JAZF1: variants seen among roughly 807,000 people sequenced by gnomAD.
JAZF1 encodes juxtaposed with another zinc finger protein 1.
In JAZF1, 8 loss-of-function variants were observed where a neutral mutation model predicts 26.4. That is an observed-to-expected ratio of 0.30 (90% CI 0.18 to 0.55). The LOEUF is 0.55. Among genes scored for constraint, JAZF1 ranks in the 20% least tolerant of loss-of-function variants. JAZF1 has a pLI of 0.94. For synonymous variants in JAZF1, 126 were observed against 122.3 expected, an observed-to-expected ratio of 1.03 and a Z score of -0.20; for missense variants, 199 against 322.0, an observed-to-expected ratio of 0.62 and a Z score of 2.92.
At chr7:28,002,026 G>C (rs992201198) in intron 1 of JAZF1, among the ~76,000 whole-genome samples, 5 of 152,134 alleles carry the variant, frequency 3.3e-5, no homozygotes, top group Non-Finnish European at 5.9e-5. Flanking sequence ...GGAACTCAAA[G>C]GGGAGATAAA....
chr7:28,054,830 G>A (rs548329144), intron 1 of JAZF1, among the ~76,000 whole-genome samples: 2 of 151,958 alleles, frequency 1.3e-5, no homozygotes, highest in Non-Finnish European at 1.5e-5. Context: ...GAGATGGACC[G>A]GAGAGCTGAA....
At chr7:27,896,876 T>C (rs1439440315) in intron 2 of JAZF1, among the ~76,000 whole-genome samples, 3 of 152,246 alleles carry the variant, frequency 2.0e-5, no homozygotes, top group Non-Finnish European at 4.4e-5. Flanking sequence ...CTTGAGCTCT[T>C]AGGTTTTGTG....
chr7:28,038,501 A>G (rs1783333419), intron 1 of JAZF1, among the ~76,000 whole-genome samples: 1 of 152,224 alleles, frequency 6.6e-6, no homozygotes, highest in Admixed American at 6.5e-5. Flanking sequence ...GCATTTACAA[A>G]TATTAGAGAT....
Position 27,957,617 on chromosome 7 carries a change from C to A in JAZF1, c.188+34292G>T, listed in dbSNP as rs564085033. Among the ~76,000 whole-genome samples the A allele has an allele frequency of 2.6e-3, 399 of 152,302 alleles. 2 individuals are homozygous for A. The highest frequency in any genetic ancestry group is 9.5e-3 in the African/African-American group (393 of 41,568). The stretch of plus-strand genomic sequence containing the variant: ...CCAGTTCCATTGATGTAACATCCTA[C>A]CATCTAGAAGATCCTCCTGTTTTAA... On this transcript the variant is annotated intron_variant, in intron 2 of 4. Transcript: ENST00000283928.
At chr7:27,918,171 T>C in intron 2 of JAZF1, among the ~76,000 whole-genome samples, 1 of 152,204 alleles carries the variant, frequency 6.6e-6, no homozygotes, top group Non-Finnish European at 1.5e-5. Context: ...TCACTGAAAT[T>C]TGGGGATTTG....
At chr7:28,094,082 C>T (rs1475605772) in intron 1 of JAZF1, among the ~76,000 whole-genome samples, 1 of 152,166 alleles carries the variant, frequency 6.6e-6, no homozygotes, top group Non-Finnish European at 1.5e-5. Flanking sequence ...TGATAAATGT[C>T]CCCACCACTC....
chr7:28,018,189 G>A lies in JAZF1; in HGVS notation c.116-26208C>T, dbSNP rs140742688. On this transcript the variant is annotated intron_variant, in intron 1 of 4. Coordinates refer to ENST00000283928, the MANE Select transcript of JAZF1 (RefSeq NM_175061.4). ...CAGCGAGGCCAAGGGCAGGATGGGGGTGGGCAAGGATACTGAGAAACAGCT... is the reference window on the plus strand; with the variant it reads ...CAGCGAGGCCAAGGGCAGGATGGGGATGGGCAAGGATACTGAGAAACAGCT... 2.4e-3 allele frequency among the ~76,000 whole-genome samples: 358 copies of A among 152,336 alleles called. 3 individuals carry two copies. Among genetic ancestry groups the A allele is most frequent in the African/African-American group, 8.3e-3 (345 of 41,568 alleles).
At position 28,043,332 on chromosome 7, in the gene JAZF1, C is replaced by G. The variant is rs145287086; in HGVS notation, c.116-51351G>C. 5.2e-3 allele frequency among the ~76,000 whole-genome samples: 793 copies of G among 152,248 alleles called. 4 individuals are homozygous for G. Among genetic ancestry groups the G allele is most frequent in the Middle Eastern group, 0.014 (4 of 294 alleles). On this transcript the variant is annotated intron_variant, in intron 1 of 4. Transcript: ENST00000283928. ...TTGTGAGTCTGTTTTTTTCTGTGAC[C>G]TATCACCTGCATCTTTCGGCTCAAG... is the stretch of plus-strand genomic sequence containing the variant.
At chr7:28,090,551 G>A (rs556523556) in intron 1 of JAZF1, among the ~76,000 whole-genome samples, 2 of 152,282 alleles carry the variant, frequency 1.3e-5, no homozygotes, top group South Asian at 2.1e-4. Context: ...CTATCTACAT[G>A]AAAAGTAAAA....
intron 1 of JAZF1, among the ~76,000 whole-genome samples, chr7:28,111,432 T>C (rs1162164603): frequency 6.6e-6 from 1 of 152,192 alleles, no homozygotes; most frequent in East Asian, 1.9e-4. Context: ...GTGAGCTTTT[T>C]ATTGAGGAAG....
intron 1 of JAZF1, among the ~76,000 whole-genome samples, chr7:27,995,944 TG>T (rs1260621677): frequency 2.6e-5 from 4 of 152,252 alleles, no homozygotes; most frequent in Non-Finnish European, 5.9e-5. Flanking sequence ...CAGTAGGAAC[TG>T]GAACTGCAAC....
At chr7:28,134,844 A>C (rs549028637) in intron 1 of JAZF1, among the ~76,000 whole-genome samples, 20 of 152,270 alleles carry the variant, frequency 1.3e-4, no homozygotes, top group African/African-American at 4.3e-4. Context: ...TTAAGGCTTT[A>C]TGTATACACA....
chr7:28,090,410 A>AT (rs1421833486), intron 1 of JAZF1, among the ~76,000 whole-genome samples: 1 of 152,256 alleles, frequency 6.6e-6, no homozygotes, highest in Non-Finnish European at 1.5e-5. Context: ...TAACTTGCCC[A>AT]TTCATCTTAT....
intron 1 of JAZF1, among the ~76,000 whole-genome samples, chr7:28,176,745 T>C (rs2127956134): frequency 6.6e-6 from 1 of 152,312 alleles, no homozygotes; most frequent in Middle Eastern, 3.4e-3. Context: ...GAGGTACTTT[T>C]AAAAATGCAC....
chr7:28,146,445 G>A (rs1406879958), intron 1 of JAZF1, among the ~76,000 whole-genome samples: 1 of 152,238 alleles, frequency 6.6e-6, no homozygotes, highest in African/African-American at 2.4e-5. Flanking sequence ...TAACACAGGA[G>A]TGAATCTTCA....
chr7:28,020,477 G>A (rs1301518474), intron 1 of JAZF1: 5 of 421,024 alleles, frequency 1.2e-5, no homozygotes, highest in Non-Finnish European at 2.5e-5. Flanking sequence ...CCTCCTGGAA[G>A]CAGGAGTTGA....
intron 2 of JAZF1, among the ~76,000 whole-genome samples, chr7:27,978,439 GAGAATTT>G (rs2128361466): frequency 6.6e-6 from 1 of 152,326 alleles, no homozygotes; most frequent in Non-Finnish European, 1.5e-5. Context: ...GGCACAAGAG[GAGAATTT>G]GATTGAGTTA....
intron 1 of JAZF1, among the ~76,000 whole-genome samples, chr7:28,167,225 C>A (rs1347177631): frequency 3.3e-5 from 5 of 152,176 alleles, no homozygotes; most frequent in East Asian, 1.9e-4. Flanking sequence ...CAGGGTCATG[C>A]ATAACCGCTT....
At chr7:28,057,924 T>C (rs1478743371) in intron 1 of JAZF1, among the ~76,000 whole-genome samples, 1 of 152,204 alleles carries the variant, frequency 6.6e-6, no homozygotes, top group Non-Finnish European at 1.5e-5. Context: ...CTGTCTAATG[T>C]AAAAAAGTTT....
Sources: gnomAD v4.1 joint callset for allele counts (sites outside exome capture counted in the v4.1 genomes callset) on GRCh38, gnomAD v4.1.1 for gene constraint, MANE v1.5 for transcripts, NCBI Gene and HGNC (gene_info 2026-07-23, HGNC 2026-07-21) for gene names.